Variants in NUMB observed in about 807,000 individuals in gnomAD.
The protein encoded by NUMB is protein numb homolog.
In NUMB, 29 loss-of-function variants were observed where a neutral mutation model predicts 59.7. The observed-to-expected ratio is 0.49, with a 90% CI of 0.36 to 0.66. NUMB has a LOEUF of 0.66. Among genes scored for constraint, NUMB ranks in the 30% least tolerant of loss-of-function variants. The pLI is 0.00. For missense variants in NUMB, 723 were observed against 822.0 expected, an observed-to-expected ratio of 0.88 and a Z score of 1.47; for synonymous variants, 288 against 288.2, an observed-to-expected ratio of 1.00 and a Z score of 0.01.
chr14:73,357,387 A>C (rs1893851903), intron 3 of NUMB, among the ~76,000 whole-genome samples: 1 of 143,442 alleles, frequency 7.0e-6, no homozygotes, highest in South Asian at 2.4e-4. Context: ...TAGGCAAAAG[A>C]GAGAAACTCT....
intron 10 of NUMB, 56 bp downstream of exon 10, chr14:73,284,025 T>C: frequency 6.7e-7 from 1 of 1,483,664 alleles, no homozygotes. Flanking sequence ...TCATGGGAAG[T>C]GATGAGAATG....
chr14:73,321,346 T>C (rs1275172706), intron 5 of NUMB, among the ~76,000 whole-genome samples: 3 of 152,174 alleles, frequency 2.0e-5, no homozygotes, highest in Admixed American at 2.0e-4. Flanking sequence ...TAAAATATTA[T>C]TTAATGGGCA....
At chr14:73,452,090 T>C (rs1884023705) in intron 1 of NUMB, among the ~76,000 whole-genome samples, 1 of 151,578 alleles carries the variant, frequency 6.6e-6, no homozygotes, top group South Asian at 2.1e-4. Flanking sequence ...CCAGGCGTGG[T>C]GGCTCACGCC....
At chr14:73,411,694 G>A (rs115245278) in intron 1 of NUMB, among the ~76,000 whole-genome samples, 110 of 151,976 alleles carry the variant, frequency 7.2e-4, no homozygotes, top group African/African-American at 2.5e-3. Flanking sequence ...AAAAAATAAC[G>A]GAATAAATTG....
intron 6 of NUMB, among the ~76,000 whole-genome samples, chr14:73,315,270 A>AT (rs2139900227): frequency 6.6e-6 from 1 of 152,290 alleles, no homozygotes; most frequent in Non-Finnish European, 1.5e-5. Flanking sequence ...TAGAAAAAAA[A>AT]TTGTAGGATT....
intron 1 of NUMB, among the ~76,000 whole-genome samples, chr14:73,426,065 C>T (rs528826182): frequency 6.6e-6 from 1 of 152,040 alleles, no homozygotes; most frequent in Non-Finnish European, 1.5e-5. Context: ...CCACCTTGGC[C>T]TCCAAAAGTG....
chr14:73,452,491 C>T (rs1340975171), intron 1 of NUMB, among the ~76,000 whole-genome samples: 1 of 152,056 alleles, frequency 6.6e-6, no homozygotes, highest in East Asian at 1.9e-4. Context: ...CTGCATACTC[C>T]CTCCACGTCA....
intron 11 of NUMB, among the ~76,000 whole-genome samples, chr14:73,281,981 T>C (rs1055061913): frequency 6.6e-6 from 1 of 152,108 alleles, no homozygotes; most frequent in Non-Finnish European, 1.5e-5. Context: ...TTTGCCCCAG[T>C]TGAGAACCAC....
chr14:73,316,432 CA>C lies in NUMB; in HGVS notation c.202-11del, dbSNP rs768859538. On this transcript the variant is annotated splice_polypyrimidine_tract_variant and intron_variant, in intron 5 of 12. Transcript: ENST00000555238. ...TGAAGAACTTCCTTTCCTGGAGGAACAGGGGGACAAGTCGAGTGCTATTATT... is the reference window on the plus strand; with the variant it reads ...TGAAGAACTTCCTTTCCTGGAGGAACGGGGGACAAGTCGAGTGCTATTATT... 6.2e-7 allele frequency: 1 copy of C among 1,613,136 alleles called. No homozygotes were observed. Among genetic ancestry groups the C allele is most frequent in the African/African-American group, 1.3e-5 (1 of 74,890 alleles).
At chr14:73,354,175 G>A (rs1217204687) in intron 4 of NUMB, among the ~76,000 whole-genome samples, 3 of 151,932 alleles carry the variant, frequency 2.0e-5, no homozygotes, top group African/African-American at 7.3e-5. Context: ...TACTGAGGCA[G>A]TAAAAAGGAG....
chr14:73,395,498 A>G (rs1470503329), intron 2 of NUMB, among the ~76,000 whole-genome samples: 1 of 152,038 alleles, frequency 6.6e-6, no homozygotes, highest in East Asian at 1.9e-4. Flanking sequence ...GTGTGTCCCT[A>G]TAGTCCTAGC....
intron 12 of NUMB, among the ~76,000 whole-genome samples, chr14:73,278,787 G>C (rs1162648493): frequency 2.1e-5 from 3 of 143,904 alleles, no homozygotes; most frequent in African/African-American, 7.7e-5. Flanking sequence ...GAGTGCAGTG[G>C]CGCAATCTTG....
intron 4 of NUMB, among the ~76,000 whole-genome samples, chr14:73,336,524 T>C (rs1892325412): frequency 6.6e-6 from 1 of 152,182 alleles, no homozygotes; most frequent in Admixed American, 6.5e-5. Context: ...GTTTTGGGCA[T>C]TCTCATCTTG....
chr14:73,397,235 A>G (rs1254397805), intron 2 of NUMB, among the ~76,000 whole-genome samples: 1 of 152,190 alleles, frequency 6.6e-6, no homozygotes, highest in African/African-American at 2.4e-5. Context: ...CACTTCTAAC[A>G]AATTCCCAAG....
At chr14:73,448,419 T>A (rs1397382569) in intron 1 of NUMB, among the ~76,000 whole-genome samples, 8 of 151,614 alleles carry the variant, frequency 5.3e-5, no homozygotes, top group Non-Finnish European at 1.0e-4. Context: ...ATCAAAACCC[T>A]AGGCTCCAGC....
At chr14:73,422,141 CAA>C (rs11336678) in intron 1 of NUMB, among the ~76,000 whole-genome samples, 100 of 146,514 alleles carry the variant, frequency 6.8e-4, no homozygotes, top group Non-Finnish European at 5.9e-4. Flanking sequence ...GAGACTTCGT[CAA>C]AAAAAAAAAA....
intron 4 of NUMB, among the ~76,000 whole-genome samples, chr14:73,347,623 A>G (rs1446293843): frequency 6.6e-6 from 1 of 152,182 alleles, no homozygotes; most frequent in East Asian, 1.9e-4. Flanking sequence ...TTTTAATCTA[A>G]TGAGGTTTCA....
chr14:73,292,978 C>G (rs45586137), intron 7 of NUMB, 104 bp from the exon 8 acceptor site: 6 of 1,144,316 alleles, frequency 5.2e-6, no homozygotes, highest in Non-Finnish European at 6.3e-6. Context: ...ACATCTGATA[C>G]AACTAGGCTA....
chr14:73,367,296 TACAC>T lies in NUMB; in HGVS notation c.-100-319_-100-316del, dbSNP rs1196520524. 2.7e-3 allele frequency among the ~76,000 whole-genome samples: 321 copies of T among 120,880 alleles called. 1 individual carries two copies. Among genetic ancestry groups the T allele is most frequent in the South Asian group, 6.8e-3 (27 of 3,984 alleles). 79.3% of individuals were successfully genotyped at this position (120,880 alleles called of 152,430 possible). A position where few individuals can be genotyped will look rare whatever the true frequency, so the allele number is the denominator to read the frequency against. ...ATAAAATACTATATATATATATATA[TACAC>T]ACACACACACACACACACACACATA... On this transcript the variant is annotated intron_variant, in intron 2 of 12. Transcript: ENST00000555238.
Sources: gnomAD v4.1 joint callset for allele counts (sites outside exome capture counted in the v4.1 genomes callset) on GRCh38, gnomAD v4.1.1 for gene constraint, MANE v1.5 for transcripts, NCBI Gene and HGNC (gene_info 2026-07-23, HGNC 2026-07-21) for gene names.